Variants in FBXO15 observed in about 807,000 individuals in gnomAD.
FBXO15 encodes F-box protein 15, also known as F-box only protein 15.
Under a neutral mutation model 49.5 loss-of-function variants are expected in FBXO15, and 30 were observed. The ratio of observed to expected loss-of-function variants is 0.61; its 90% CI spans 0.45 to 0.82. The LOEUF (loss-of-function observed/expected upper bound fraction) is 0.82, where lower values mean the gene tolerates loss of function less well. Among genes scored for constraint, FBXO15 ranks in the 40% least tolerant of loss-of-function variants. FBXO15 has a pLI of 0.00. For missense variants in FBXO15, 591 were observed against 631.5 expected (o/e 0.94, Z 0.69); for synonymous variants, 250 against 232.7 (o/e 1.07, Z -0.68).
chr18:74,115,150 G>T (rs80332836), intron 8 of FBXO15, among the ~76,000 whole-genome samples: 7,534 of 152,202 alleles, frequency 0.05, 262 homozygotes, highest in East Asian at 0.12. Context: ...GTGTCCACTG[G>T]CCTGGGAGCT....
At chr18:74,078,111 C>T (rs988160662) in intron 9 of FBXO15, among the ~76,000 whole-genome samples, 3 of 152,196 alleles carry the variant, frequency 2.0e-5, no homozygotes, top group South Asian at 2.1e-4. Flanking sequence ...CCTAAGCCGT[C>T]GGTGGGTGTC....
intron 8 of FBXO15, among the ~76,000 whole-genome samples, chr18:74,106,700 G>T (rs949789985): frequency 5.9e-5 from 9 of 152,204 alleles, no homozygotes; most frequent in Non-Finnish European, 8.8e-5. Flanking sequence ...GTGATAGTCA[G>T]TTTTTAAAAT....
rs1363832799 is a variant in FBXO15, at chr18:74,073,712, C to T, written c.1282G>A (p.Val428Ile). The change falls in exon 10 of 10, where the codon GTA (valine) becomes ATA (isoleucine). Residue 428 changes from valine (V) to isoleucine (I), a missense_variant. Physicochemically the swap from Val to Ile is conservative, Grantham distance 29. Transcript: ENST00000419743. ...TTCCCATGTTCATCCAAAAGAGTTA[C>T]GTCCATCATGGAACAACTCTGCAAA... The part of the protein sequence containing the change: ...GCIKSCSMMD[V>I]TLLDEHGKPF... 1.2e-6 allele frequency: 2 copies of T among 1,613,134 alleles called. No homozygotes were observed. The highest frequency in any genetic ancestry group is 2.2e-5 in the East Asian group (1 of 44,874).
chr18:74,136,544 C>A (rs550996365), intron 2 of FBXO15, among the ~76,000 whole-genome samples: 10 of 152,266 alleles, frequency 6.6e-5, no homozygotes, highest in South Asian at 4.1e-4. Context: ...CCACACCGAT[C>A]CCAGGCGCCA....
chr18:74,092,411 G>A (rs895459933), intron 8 of FBXO15, among the ~76,000 whole-genome samples: 1 of 152,150 alleles, frequency 6.6e-6, no homozygotes, highest in African/African-American at 2.4e-5. Context: ...AACCATTGTG[G>A]GGGAACTAGT....
chr18:74,115,350 C>G (rs62097020), intron 8 of FBXO15, among the ~76,000 whole-genome samples: 13,311 of 152,156 alleles, frequency 0.087, 818 homozygotes, highest in Admixed American at 0.2. Context: ...AGAACCTAAT[C>G]CCAGGCACCA....
intron 8 of FBXO15, among the ~76,000 whole-genome samples, chr18:74,114,524 C>T (rs185686071): frequency 2.0e-5 from 3 of 152,256 alleles, no homozygotes; most frequent in Admixed American, 2.0e-4. Flanking sequence ...GAATAGAAAA[C>T]AAAAGCTATA....
intron 5 of FBXO15, among the ~76,000 whole-genome samples, chr18:74,128,324 TAC>T (rs1978298400): frequency 6.9e-6 from 1 of 144,954 alleles, no homozygotes; most frequent in Non-Finnish European, 1.5e-5. Context: ...GGTCCCCAGT[TAC>T]AGAGCTGCAA....
intron 8 of FBXO15, among the ~76,000 whole-genome samples, chr18:74,087,212 T>A (rs980302648): frequency 1.3e-5 from 2 of 152,224 alleles, no homozygotes; most frequent in African/African-American, 4.8e-5. Flanking sequence ...ATCAGGATGG[T>A]AGTTGCTGAA....
chr18:74,107,012 T>C (rs924305665), intron 8 of FBXO15, among the ~76,000 whole-genome samples: 19 of 152,268 alleles, frequency 1.2e-4, no homozygotes, highest in Admixed American at 8.5e-4. Flanking sequence ...AACAGAGCTA[T>C]ATATGTGAAA....
chr18:74,141,312 T>A (rs549104580), intron 1 of FBXO15, among the ~76,000 whole-genome samples: 1 of 152,180 alleles, frequency 6.6e-6, no homozygotes, highest in African/African-American at 2.4e-5. Flanking sequence ...GAGCCATGAA[T>A]GGTTACACTA....
chr18:74,096,175 G>C (rs1363827393), intron 8 of FBXO15, among the ~76,000 whole-genome samples: 3 of 152,284 alleles, frequency 2.0e-5, no homozygotes, highest in East Asian at 3.9e-4. Context: ...GAGCGTGCCT[G>C]AGAGAGAAAT....
intron 1 of FBXO15, among the ~76,000 whole-genome samples, chr18:74,145,365 C>G (rs1337966654): frequency 3.3e-5 from 5 of 152,096 alleles, no homozygotes; most frequent in African/African-American, 4.8e-5. Context: ...TAAAATGGAT[C>G]TCATAGAGTC....
intron 8 of FBXO15, among the ~76,000 whole-genome samples, chr18:74,104,115 G>T (rs1216738844): frequency 8.6e-5 from 13 of 151,998 alleles, no homozygotes; most frequent in Non-Finnish European, 7.4e-5. Flanking sequence ...ACAACTAAAG[G>T]TCAAAACATA....
At chr18:74,093,262 A>ACG (rs1913127860) in intron 8 of FBXO15, among the ~76,000 whole-genome samples, 1 of 19,756 alleles carries the variant, frequency 5.1e-5, no homozygotes. Context: ...TGGCAAAACA[A>ACG]TGGGGGGGGG....
chr18:74,080,513 T>C (rs1330844843), intron 9 of FBXO15, among the ~76,000 whole-genome samples: 1 of 152,238 alleles, frequency 6.6e-6, no homozygotes. Context: ...GATCAAGCTG[T>C]TTTTCTAAAC....
chr18:74,093,648 A>T (rs1913154080), intron 8 of FBXO15, among the ~76,000 whole-genome samples: 1 of 152,256 alleles, frequency 6.6e-6, no homozygotes, highest in African/African-American at 2.4e-5. Context: ...ATTTAGTCAC[A>T]GCAGGCCCCA....
chr18:74,130,838 A>G lies in FBXO15; in HGVS notation c.333-180T>C. Reference sequence around the variant, plus strand: ...TTGCAGTTTGAGATTTAGTGTTTTAAATTCAACACCACCAAAAACACATTT... The same window carrying G: ...TTGCAGTTTGAGATTTAGTGTTTTAGATTCAACACCACCAAAAACACATTT... On this transcript the variant is annotated intron_variant, in intron 3 of 9. Transcript: ENST00000419743. 7.8e-6 allele frequency: 5 copies of G among 637,326 alleles called. No homozygotes were observed. The South Asian group carries it at 1.2e-4, about 15-fold the overall frequency. The allele number at this position is 637,326 out of a possible 1,614,324, so 39.5% of individuals were successfully genotyped here.
intron 2 of FBXO15, among the ~76,000 whole-genome samples, chr18:74,137,532 T>C (rs1182912850): frequency 6.6e-6 from 1 of 152,112 alleles, no homozygotes; most frequent in Non-Finnish European, 1.5e-5. Context: ...ACTAACCTAA[T>C]GAAAAGGGGG....
Sources: allele counts gnomAD v4.1 joint callset (sites outside exome capture counted in the v4.1 genomes callset), GRCh38; gene constraint gnomAD v4.1.1; transcripts MANE v1.5; gene names NCBI Gene and HGNC (gene_info 2026-07-23, HGNC 2026-07-21).